Variants in PRKN observed in about 807,000 individuals in gnomAD.
The protein encoded by PRKN is E3 ubiquitin-protein ligase parkin.
PRKN carries 56 observed loss-of-function variants against 59.5 expected under a neutral mutation model. The observed-to-expected ratio is 0.94, with a 90% CI of 0.76 to 1.18. The LOEUF (loss-of-function observed/expected upper bound fraction) is 1.18. Ranked by LOEUF, PRKN falls within the 50% of genes most tolerant of loss-of-function variation. PRKN has a pLI of 0.00. For missense variants in PRKN, 657 were observed against 596.4 expected, an observed-to-expected ratio of 1.10 and a Z score of -1.06; for synonymous variants, 250 against 222.1, an observed-to-expected ratio of 1.13 and a Z score of -1.12.
At chr6:161,986,232 T>C (rs572912838) in intron 5 of PRKN, among the ~76,000 whole-genome samples, 79 of 152,368 alleles carry the variant, frequency 5.2e-4, no homozygotes, top group South Asian at 1.2e-3. Flanking sequence ...TGCCCTGAGC[T>C]GCTACTCTCT....
intron 7 of PRKN, among the ~76,000 whole-genome samples, chr6:161,649,605 G>T (rs1562583094): frequency 6.6e-6 from 1 of 152,198 alleles, no homozygotes; most frequent in Non-Finnish European, 1.5e-5. Flanking sequence ...GGACATAAGA[G>T]ACTTTTGTGT....
chr6:161,956,703 A>G (rs566522446), intron 6 of PRKN, among the ~76,000 whole-genome samples: 1 of 152,294 alleles, frequency 6.6e-6, no homozygotes, highest in East Asian at 1.9e-4. Context: ...AAACATATAC[A>G]TATATATGCA....
intron 3 of PRKN, among the ~76,000 whole-genome samples, chr6:162,219,659 C>T (rs1777850808): frequency 6.6e-6 from 1 of 151,374 alleles, no homozygotes; most frequent in South Asian, 2.1e-4. Context: ...CTTTCCTTCT[C>T]CATTTCACAA....
At chr6:162,483,717 G>A (rs904303840) in intron 1 of PRKN, among the ~76,000 whole-genome samples, 2 of 152,194 alleles carry the variant, frequency 1.3e-5, no homozygotes, top group Non-Finnish European at 2.9e-5. Flanking sequence ...AAGTTGGACA[G>A]CTCTATCAAA....
At chr6:161,532,014 G>A (rs944018328) in intron 9 of PRKN, among the ~76,000 whole-genome samples, 1 of 151,994 alleles carries the variant, frequency 6.6e-6, no homozygotes, top group African/African-American at 2.4e-5. Context: ...GGAGTTTGGG[G>A]TAAAAATTTG....
At chr6:162,481,820 C>CATG (rs1792323392) in intron 1 of PRKN, among the ~76,000 whole-genome samples, 1 of 152,082 alleles carries the variant, frequency 6.6e-6, no homozygotes, top group African/African-American at 2.4e-5. Flanking sequence ...ACAAGAAATA[C>CATG]ATGCGTGTGT....
At chr6:162,494,265 A>G (rs924892009) in intron 1 of PRKN, among the ~76,000 whole-genome samples, 2 of 152,198 alleles carry the variant, frequency 1.3e-5, no homozygotes, top group Admixed American at 1.3e-4. Flanking sequence ...ATCAGGCAAC[A>G]GCTGGGCCTG....
At position 161,456,270 on chromosome 6, in the gene PRKN, T is replaced by C. The variant is rs1583092643; in HGVS notation, c.1084-69393A>G. On this transcript the variant is annotated intron_variant, in intron 9 of 11. Transcript: ENST00000366898. The surrounding 1 kb of genome is among the most constrained non-coding windows in gnomAD (Gnocchi z 4.8). ...GCTAAGATAAAAGCAGGCAGAAGGGTGTGGAAGGCCTAGACTGGCTGAGTC... is the reference window on the plus strand; with the variant it reads ...GCTAAGATAAAAGCAGGCAGAAGGGCGTGGAAGGCCTAGACTGGCTGAGTC... Among the ~76,000 whole-genome samples the C allele has an allele frequency of 6.6e-6, 1 of 152,206 alleles. No homozygotes were observed. Among genetic ancestry groups the C allele is most frequent in the African/African-American group, 2.4e-5 (1 of 41,542 alleles).
intron 7 of PRKN, among the ~76,000 whole-genome samples, chr6:161,746,766 GATA>G: frequency 2.1e-5 from 3 of 142,854 alleles, no homozygotes; most frequent in African/African-American, 8.1e-5. Context: ...TATCTATATA[GATA>G]TATATGTCTA....
chr6:161,545,420 T>C lies in PRKN; in HGVS notation c.1083+3434A>G, dbSNP rs1377461193. 1 of 1,611,562 alleles carries C rather than the reference T, an allele frequency of 6.2e-7. No individual in the cohort carries two copies. Among genetic ancestry groups the C allele is most frequent in the Admixed American group, 1.7e-5 (1 of 59,990 alleles). On this transcript the variant is annotated intron_variant, in intron 9 of 11. Transcript: ENST00000366898. The surrounding 1 kb of genome is among the most constrained non-coding windows in gnomAD (Gnocchi z 4.1). Reference sequence around the variant, plus strand: ...CACTTCTCCCTGAGGCAGCTTATTTTGTTCTTCGTTGTCCATACTGTGAGA... The same window carrying C: ...CACTTCTCCCTGAGGCAGCTTATTTCGTTCTTCGTTGTCCATACTGTGAGA...
At chr6:162,666,167 T>C (rs1779093357) in intron 1 of PRKN, among the ~76,000 whole-genome samples, 1 of 152,120 alleles carries the variant, frequency 6.6e-6, no homozygotes, top group Non-Finnish European at 1.5e-5. Flanking sequence ...AATCCAGTTT[T>C]AAGATGTCTA....
intron 2 of PRKN, among the ~76,000 whole-genome samples, chr6:162,306,903 G>A (rs529188695): frequency 1.1e-4 from 16 of 152,312 alleles, no homozygotes; most frequent in Admixed American, 7.8e-4. Flanking sequence ...ACGATCACCA[G>A]TGTGTCCAGG....
rs958437380 is a variant in PRKN, at chr6:161,467,013, T to G, written c.1084-80136A>C. 6.6e-6 allele frequency among the ~76,000 whole-genome samples: 1 copy of G among 152,208 alleles called. No homozygotes were observed. The highest frequency in any genetic ancestry group is 2.4e-5 in the African/African-American group (1 of 41,450). Reference sequence around the variant, plus strand: ...TTCGCGTCCTTATATACAAGCCAACTTCTCTCTGCAGAATGTTCTACATCC... The same window carrying G: ...TTCGCGTCCTTATATACAAGCCAACGTCTCTCTGCAGAATGTTCTACATCC... On this transcript the variant is annotated intron_variant, in intron 9 of 11. Coordinates refer to ENST00000366898, the MANE Select transcript of PRKN (RefSeq NM_004562.3). The surrounding 1 kb of genome is among the most constrained non-coding windows in gnomAD (Gnocchi z 4.3).
rs184269585 is a variant in PRKN at position 161,375,116 on chromosome 6, C to T, written c.1167+11678G>A. Among the ~76,000 whole-genome samples the T allele has an allele frequency of 3.6e-3, 539 of 151,550 alleles. 2 individuals carry two copies. The highest frequency in any genetic ancestry group is 0.013 in the African/African-American group (517 of 41,332). On this transcript the variant is annotated intron_variant, in intron 10 of 11. Transcript: ENST00000366898. Reference sequence around the variant, plus strand: ...GCAGGCCGTGACCCCCACAGGTGAGCGAGCTCAGGGGACCCGCAGGCCATG... The same window carrying T: ...GCAGGCCGTGACCCCCACAGGTGAGTGAGCTCAGGGGACCCGCAGGCCATG...
chr6:162,473,967 CT>C (rs774414338), intron 1 of PRKN, among the ~76,000 whole-genome samples: 1 of 152,286 alleles, frequency 6.6e-6, no homozygotes, highest in East Asian at 1.9e-4. Flanking sequence ...TTCCCACCAG[CT>C]TTCCGGTGCA....
chr6:161,716,906 GAA>G (rs917941868), intron 7 of PRKN, among the ~76,000 whole-genome samples: 2 of 152,140 alleles, frequency 1.3e-5, no homozygotes, highest in Non-Finnish European at 2.9e-5. Flanking sequence ...TTGAGCGAGG[GAA>G]AGACAAGATG....
chr6:161,648,729 C>T (rs1050807817), intron 7 of PRKN, among the ~76,000 whole-genome samples: 1 of 152,116 alleles, frequency 6.6e-6, no homozygotes, highest in Admixed American at 6.6e-5. Context: ...CAGGTGTCTG[C>T]AGTAGATCAA....
intron 9 of PRKN, among the ~76,000 whole-genome samples, chr6:161,490,386 C>CTTTTTTT (rs34217261): frequency 8.9e-6 from 1 of 112,324 alleles, no homozygotes; most frequent in African/African-American, 3.5e-5. Flanking sequence ...TCTTTCTTTC[C>CTTTTTTT]TTTTTTTTTT....
intron 5 of PRKN, among the ~76,000 whole-genome samples, chr6:162,045,170 C>G (rs1337170358): frequency 6.6e-6 from 1 of 152,198 alleles, no homozygotes; most frequent in Non-Finnish European, 1.5e-5. Context: ...ATTCCTACAT[C>G]CTGAAAGTCA....
Sources: gnomAD v4.1 joint callset for allele counts (sites outside exome capture counted in the v4.1 genomes callset) on GRCh38, gnomAD v4.1.1 for gene constraint, Gnocchi (gnomAD v3.1) non-coding constraint, MANE v1.5 for transcripts, NCBI Gene and HGNC (gene_info 2026-07-23, HGNC 2026-07-21) for gene names.